KCNK5: variants seen among roughly 807,000 people sequenced by gnomAD.
KCNK5 encodes the protein potassium channel subfamily K member 5.
A neutral mutation model predicts 32.9 loss-of-function variants in KCNK5; 18 were observed. That is an observed-to-expected ratio of 0.55 (90% CI 0.38 to 0.81). KCNK5 has a LOEUF of 0.81. Ranked by LOEUF, KCNK5 falls within the 30% of genes least tolerant of loss-of-function variation. The probability of loss-of-function intolerance (pLI) is 0.00; values close to 1 mark genes in which losing one functional copy is unlikely to be tolerated. For missense variants in KCNK5, 507 were observed against 651.0 expected, an observed-to-expected ratio of 0.78 and a Z score of 2.41; for synonymous variants, 276 against 275.3, an observed-to-expected ratio of 1.00 and a Z score of -0.03.
chr6:39,200,603 G>A (rs866295183), intron 1 of KCNK5, among the ~76,000 whole-genome samples: 10 of 152,250 alleles, frequency 6.6e-5, no homozygotes, highest in African/African-American at 1.9e-4. Flanking sequence ...AAGGCCACAG[G>A]AAAGAGGCCT....
intron 1 of KCNK5, among the ~76,000 whole-genome samples, chr6:39,218,329 G>T (rs756268434): frequency 1.3e-5 from 2 of 152,070 alleles, no homozygotes; most frequent in Non-Finnish European, 2.9e-5. Context: ...TAGGCCTCCC[G>T]AAGTGGTGGG....
At chr6:39,195,066 A>G (rs1771005928) in intron 2 of KCNK5, among the ~76,000 whole-genome samples, 1 of 152,162 alleles carries the variant, frequency 6.6e-6, no homozygotes, top group Non-Finnish European at 1.5e-5. Context: ...CTCTCTGTGT[A>G]GATTCCCCAG....
chr6:39,223,736 A>C (rs1410863016), intron 1 of KCNK5, among the ~76,000 whole-genome samples: 2 of 152,164 alleles, frequency 1.3e-5, no homozygotes, highest in Non-Finnish European at 2.9e-5. Flanking sequence ...GGCTGAGCCC[A>C]ATCTGCCAGC....
intron 1 of KCNK5, among the ~76,000 whole-genome samples, chr6:39,211,071 TC>T (rs992417321): frequency 7.9e-5 from 12 of 152,108 alleles, no homozygotes; most frequent in African/African-American, 2.9e-4. Context: ...CTTCTTCCAT[TC>T]CTTCTAGATT....
intron 1 of KCNK5, among the ~76,000 whole-genome samples, chr6:39,206,159 G>A (rs1771222496): frequency 6.6e-6 from 1 of 152,224 alleles, no homozygotes; most frequent in Non-Finnish European, 1.5e-5. Flanking sequence ...ACCCAGCAGA[G>A]CAGGTGAGGC....
At position 39,194,880 on chromosome 6, in the gene KCNK5, TAAGTA is replaced by T; in HGVS notation, c.299-125_299-121del. ...TTGATATTGATCTATTGTCAGTACT[TAAGTA>T]ATGATATTTCCCTTGATCATACTCT... On this transcript the variant is annotated intron_variant, in intron 2 of 4. Coordinates refer to ENST00000359534, the MANE Select transcript of KCNK5 (RefSeq NM_003740.4). The surrounding 1 kb of genome is among the most constrained non-coding windows in gnomAD (Gnocchi z 4.7). 1 of 790,424 alleles carries T rather than the reference TAAGTA, an allele frequency of 1.3e-6. No individual in the cohort carries two copies. The highest frequency in any genetic ancestry group is 2.1e-6 in the Non-Finnish European group (1 of 480,716). The allele number at this position is 790,424 out of a possible 1,614,324, so 49.0% of individuals were successfully genotyped here.
chr6:39,217,742 A>G (rs899326991), intron 1 of KCNK5, among the ~76,000 whole-genome samples: 8 of 152,298 alleles, frequency 5.3e-5, no homozygotes, highest in African/African-American at 1.9e-4. Flanking sequence ...GACAGGCTGG[A>G]GAAACCAGCC....
In KCNK5 at chr6:39,191,225, CG is replaced by C. The variant is rs780741314; in HGVS notation, c.1164del (p.Glu389ArgfsTer4). 1 of 1,614,180 alleles carries C rather than the reference CG, an allele frequency of 6.2e-7. No individual in the cohort carries two copies. Among genetic ancestry groups the C allele is most frequent in the African/African-American group, 1.3e-5 (1 of 75,074 alleles). On this transcript the variant is annotated frameshift_variant, in exon 5 of 5. Transcript: ENST00000359534. LOFTEE classifies it high-confidence loss of function. This position sits in a 1 kb window ranked among gnomAD's most constrained non-coding sequence, Gnocchi z 5.8. ...ARAPEDSSPA[P>X]EVFMNQLDRI... is the part of the protein sequence containing the mutation. ...CGGTCCAGCTGGTTCATGAACACCT[CG>C]GGGGCAGGGGAGCTGTCTTCAGGGG...
intron 1 of KCNK5, among the ~76,000 whole-genome samples, chr6:39,206,792 C>G (rs1388473090): frequency 6.6e-6 from 1 of 152,218 alleles, no homozygotes; most frequent in Admixed American, 6.5e-5. Flanking sequence ...GAGCTTAACA[C>G]TCCGTATCTG....
At chr6:39,204,912 G>A (rs917655994) in intron 1 of KCNK5, among the ~76,000 whole-genome samples, 1 of 152,214 alleles carries the variant, frequency 6.6e-6, no homozygotes, top group African/African-American at 2.4e-5. Context: ...TGCCAGATGG[G>A]AGCAGGTTTT....
At chr6:39,227,116 C>A (rs1057268539) in intron 1 of KCNK5, among the ~76,000 whole-genome samples, 25 of 152,032 alleles carry the variant, frequency 1.6e-4, no homozygotes, top group African/African-American at 3.1e-4. Flanking sequence ...CCCCGCCCCC[C>A]CCGCCGTATG....
chr6:39,191,808 T>C lies in KCNK5; in HGVS notation c.635-53A>G, dbSNP rs1488160104. The C allele has an allele frequency of 3.2e-6, 5 of 1,566,166 alleles. No individual in the cohort carries two copies. The highest frequency in any genetic ancestry group is 1.9e-4 in the Middle Eastern group (1 of 5,188). The stretch of plus-strand genomic sequence containing the variant: ...GGAAGAGTTAGCAGGGCCCGGGAAA[T>C]GTGCAATGGCCAATGCTGTGTGATC... On this transcript the variant is annotated intron_variant, in intron 4 of 4. Transcript: ENST00000359534. The surrounding 1 kb of genome is among the most constrained non-coding windows in gnomAD (Gnocchi z 5.8).
At chr6:39,225,186 T>C (rs2815124) in intron 1 of KCNK5, among the ~76,000 whole-genome samples, 105,728 of 151,966 alleles carry the variant, frequency 0.7, 37,127 homozygotes, top group East Asian at 0.94. Context: ...CAGCTCGGAG[T>C]GTAGCCTAAT....
In KCNK5 at chr6:39,199,916, G is replaced by A. The variant is rs143971692; in HGVS notation, c.187-3929C>T. 7.5e-4 allele frequency among the ~76,000 whole-genome samples: 115 copies of A among 152,354 alleles called. 1 individual carries two copies. The highest frequency in any genetic ancestry group is 2.7e-3 in the African/African-American group (111 of 41,590). On this transcript the variant is annotated intron_variant, in intron 1 of 4. Coordinates refer to ENST00000359534, the MANE Select transcript of KCNK5 (RefSeq NM_003740.4). ...GGCAGAGGAGGAAAGCCAGGCTCAG[G>A]GAGCTGAGGTCTGGATGTGAATTTG...
rs532914135 is a variant in KCNK5 at position 39,206,457 on chromosome 6, A to C, written c.187-10470T>G. ...CACCAGCCACTCAAGGTTTCTAAAAACAGTCCTTGGAGCAGGCCAGAAAGG... is the reference window on the plus strand; with the variant it reads ...CACCAGCCACTCAAGGTTTCTAAAACCAGTCCTTGGAGCAGGCCAGAAAGG... On this transcript the variant is annotated intron_variant, in intron 1 of 4. Transcript: ENST00000359534. Among the ~76,000 whole-genome samples the C allele has an allele frequency of 5.3e-5, 8 of 152,162 alleles. No individual in the cohort carries two copies. The East Asian group carries it at 1.5e-3, about 29-fold the overall frequency.
At chr6:39,218,418 A>G (rs920871984) in intron 1 of KCNK5, among the ~76,000 whole-genome samples, 5 of 152,172 alleles carry the variant, frequency 3.3e-5, no homozygotes, top group African/African-American at 1.2e-4. Flanking sequence ...TGACCCAGAG[A>G]AGAAAGGCCT....
Position 39,229,028 on chromosome 6 carries a change from C to T in KCNK5, c.84G>A (p.Glu28=). Residue 28 remains glutamate, a synonymous_variant, in exon 1 of 5, where the codon GAG becomes GAA. Transcript: ENST00000359534. The part of the protein sequence containing the change: ...IGAAIFEVLE[E]PHWKEAKKNY... ...TTTTCTTGGCCTCCTTCCAGTGTGGCTCCTCCAGCACTTCGAAGATCGCCG... is the reference window on the plus strand; with the variant it reads ...TTTTCTTGGCCTCCTTCCAGTGTGGTTCCTCCAGCACTTCGAAGATCGCCG... The T allele has an allele frequency of 6.2e-7, 1 of 1,614,170 alleles. No individual in the cohort carries two copies. The highest frequency in any genetic ancestry group is 2.2e-5 in the East Asian group (1 of 44,872).
Position 39,191,632 on chromosome 6 carries a change from T to C in KCNK5, c.758A>G (p.His253Arg). Residue 253 changes from histidine (H) to arginine (R), a missense_variant, in exon 5 of 5, where the codon CAC becomes CGC. His to Arg is a conservative substitution (Grantham distance 29). This residue lies in a region of KCNK5 where 45 missense variants were observed against 107.6 expected (regional missense o/e 0.42). Coordinates refer to ENST00000359534, the MANE Select transcript of KCNK5 (RefSeq NM_003740.4). The surrounding 1 kb of genome is among the most constrained non-coding windows in gnomAD (Gnocchi z 5.8). ...NWKVSMFVEV[H>R]KAIKKRRRRR... ...CCGCCGCCGCTTCTTAATGGCTTTG[T>C]GGACTTCCACAAACATGCTCACCTT... 1 of 1,614,048 alleles carries C rather than the reference T, an allele frequency of 6.2e-7. No homozygotes were observed. The highest frequency in any genetic ancestry group is 8.5e-7 in the Non-Finnish European group (1 of 1,180,008).
chr6:39,202,858 C>T (rs1771153853), intron 1 of KCNK5, among the ~76,000 whole-genome samples: 1 of 152,160 alleles, frequency 6.6e-6, no homozygotes, highest in Admixed American at 6.5e-5. Flanking sequence ...GGATTTGAAT[C>T]AGAGGGGTCT....
Sources: gnomAD v4.1 joint callset for allele counts (sites outside exome capture counted in the v4.1 genomes callset) on GRCh38, gnomAD v4.1.1 for gene constraint, gnomAD v4.1.1 regional missense constraint, Gnocchi (gnomAD v3.1) non-coding constraint, MANE v1.5 for transcripts, NCBI Gene and HGNC (gene_info 2026-07-23, HGNC 2026-07-21) for gene names.